Variants in ADARB2 observed in about 807,000 individuals in gnomAD.
ADARB2 encodes the protein inactive double-stranded RNA-specific editase B2.
A neutral mutation model predicts 62.2 loss-of-function variants in ADARB2; 25 were observed. The ratio of observed to expected loss-of-function variants is 0.40; its 90% CI spans 0.29 to 0.56. ADARB2 has a LOEUF of 0.56. Among genes scored for constraint, ADARB2 ranks in the 20% least tolerant of loss-of-function variants. The pLI, the probability that ADARB2 is intolerant of heterozygous loss-of-function variation, is 0.43. For synonymous variants in ADARB2, 572 were observed against 500.8 expected, an observed-to-expected ratio of 1.14 and a Z score of -1.90; for missense variants, 1,071 against 1,077.4, an observed-to-expected ratio of 0.99 and a Z score of 0.08.
intron 1 of ADARB2, among the ~76,000 whole-genome samples, chr10:1,561,680 T>C (rs1336138030): frequency 6.6e-6 from 1 of 152,124 alleles, no homozygotes; most frequent in Admixed American, 6.5e-5. Context: ...TGGATGCTGA[T>C]AAGAGCTTCC....
chr10:1,302,793 T>C (rs570954970), intron 3 of ADARB2, among the ~76,000 whole-genome samples: 60 of 152,252 alleles, frequency 3.9e-4, no homozygotes, highest in Middle Eastern at 3.4e-3. Flanking sequence ...TACAGGGTAC[T>C]CCAACAGACC....
chr10:1,431,693 TA>T (rs1243046180), intron 1 of ADARB2, among the ~76,000 whole-genome samples: 1 of 151,712 alleles, frequency 6.6e-6, no homozygotes, highest in Non-Finnish European at 1.5e-5. Flanking sequence ...TCTATAAAAC[TA>T]AAAAATGTCT....
intron 3 of ADARB2, among the ~76,000 whole-genome samples, chr10:1,362,227 T>C (rs1832264844): frequency 6.6e-6 from 1 of 152,242 alleles, no homozygotes; most frequent in African/African-American, 2.4e-5. Context: ...AATGGAAATC[T>C]CTAGAGGGTA....
intron 1 of ADARB2, among the ~76,000 whole-genome samples, chr10:1,594,041 C>T (rs1458642528): frequency 6.6e-6 from 1 of 152,144 alleles, no homozygotes; most frequent in African/African-American, 2.4e-5. Context: ...CTTGTAATCC[C>T]AGCACTTTGG....
At chr10:1,234,358 C>T (rs1441867173) in intron 5 of ADARB2, among the ~76,000 whole-genome samples, 1 of 152,140 alleles carries the variant, frequency 6.6e-6, no homozygotes, top group East Asian at 1.9e-4. Flanking sequence ...GAACAGGCAG[C>T]AATGAAACTA....
chr10:1,214,559 C>T (rs927825450), intron 7 of ADARB2, among the ~76,000 whole-genome samples: 49 of 152,320 alleles, frequency 3.2e-4, no homozygotes, highest in Middle Eastern at 6.8e-3. Context: ...GACCTGCCGG[C>T]GTCGCGTGGG....
chr10:1,432,776 T>G (rs1315420130), intron 1 of ADARB2, among the ~76,000 whole-genome samples: 4 of 152,074 alleles, frequency 2.6e-5, no homozygotes, highest in Non-Finnish European at 5.9e-5. Context: ...CCACTTTCTC[T>G]TTTGCTTTGC....
At chr10:1,681,367 C>A (rs1834534567) in intron 1 of ADARB2, among the ~76,000 whole-genome samples, 1 of 152,114 alleles carries the variant, frequency 6.6e-6, no homozygotes, top group South Asian at 2.1e-4. Context: ...TTTTTCCCAA[C>A]AACTTGTGGA....
Position 1,182,971 on chromosome 10 carries a change from T to C in ADARB2, c.*222A>G. 1 of 566,152 alleles carries C rather than the reference T, an allele frequency of 1.8e-6. No homozygotes were observed. 35.1% of individuals were successfully genotyped at this position (566,152 alleles called of 1,614,324 possible). A position where few individuals can be genotyped will look rare whatever the true frequency, so the allele number is the denominator to read the frequency against. On this transcript the variant is annotated 3_prime_UTR_variant, in exon 10 of 10. Coordinates refer to ENST00000381312, the MANE Select transcript of ADARB2 (RefSeq NM_018702.4). ...GAGTCGGCGCTAACTCAACAGTGCA[T>C]GTGCCCCTGGGTGTGGGGGACAGGG...
chr10:1,604,518 G>A (rs1833470767), intron 1 of ADARB2, among the ~76,000 whole-genome samples: 1 of 152,178 alleles, frequency 6.6e-6, no homozygotes, highest in South Asian at 2.1e-4. Flanking sequence ...GGAGAGGCCA[G>A]GCACTGTTTT....
intron 1 of ADARB2, among the ~76,000 whole-genome samples, chr10:1,726,429 G>A (rs1242597688): frequency 2.0e-5 from 3 of 151,960 alleles, no homozygotes; most frequent in African/African-American, 7.3e-5. Flanking sequence ...GGTGACTGTC[G>A]CCTTTTCCGT....
chr10:1,265,691 C>G (rs564706487), intron 4 of ADARB2, among the ~76,000 whole-genome samples: 3 of 89,058 alleles, frequency 3.4e-5, no homozygotes, highest in Admixed American at 1.1e-4. Context: ...GGGGCCCAGG[C>G]TCTCCCGGAA....
At chr10:1,508,464 T>C (rs1485880190) in intron 1 of ADARB2, among the ~76,000 whole-genome samples, 2 of 152,200 alleles carry the variant, frequency 1.3e-5, no homozygotes, top group Non-Finnish European at 2.9e-5. Context: ...GCCTACATTA[T>C]TGTTTTCACG....
At chr10:1,526,613 G>A (rs1025742047) in intron 1 of ADARB2, 3 of 242,730 alleles carry the variant, frequency 1.2e-5, no homozygotes, top group African/African-American at 4.6e-5. Flanking sequence ...CTCCCCATCG[G>A]CCACGAGTGA....
Position 1,460,059 on chromosome 10 carries a change from G to A in ADARB2, c.101-80899C>T, listed in dbSNP as rs1042217240. 4.4e-4 allele frequency among the ~76,000 whole-genome samples: 28 copies of A among 63,662 alleles called. 3 individuals are homozygous for A. Among genetic ancestry groups the A allele is most frequent in the African/African-American group, 1.3e-3 (25 of 19,562 alleles). 41.8% of individuals were successfully genotyped at this position (63,662 alleles called of 152,430 possible). A position where few individuals can be genotyped will look rare whatever the true frequency, so the allele number is the denominator to read the frequency against. ...GTTTACCTGTGTAGCAAACCTGCCT[G>A]TGACCTGAGTTTACCTGCGTAACGA... On this transcript the variant is annotated intron_variant, in intron 1 of 9. Transcript: ENST00000381312.
chr10:1,185,061 G>A (rs770549882), intron 8 of ADARB2, 22 bp from the exon 9 acceptor site: 44 of 1,603,444 alleles, frequency 2.7e-5, no homozygotes, highest in Non-Finnish European at 2.9e-5. Flanking sequence ...ATGGGGAAAG[G>A]CGGGCGTTAA....
At chr10:1,488,774 C>T (rs1191434174) in intron 1 of ADARB2, among the ~76,000 whole-genome samples, 1 of 152,228 alleles carries the variant, frequency 6.6e-6, no homozygotes, top group Non-Finnish European at 1.5e-5. Context: ...TGCTCCCTAA[C>T]AGCATACGTG....
rs1397787976 is a variant in ADARB2 at position 1,178,603 on chromosome 10, G to C, written c.*4590C>G. 6.6e-6 allele frequency: 1 copy of C among 152,292 alleles called. No homozygotes were observed. Among genetic ancestry groups the C allele is most frequent in the African/African-American group, 2.4e-5 (1 of 41,446 alleles). 9.4% of individuals were successfully genotyped at this position (152,292 alleles called of 1,614,324 possible). On this transcript the variant is annotated 3_prime_UTR_variant, in exon 10 of 10. Transcript: ENST00000381312. The stretch of plus-strand genomic sequence containing the variant: ...GCCACCCGCCTAGCCCCACACAGTG[G>C]CAAAATACCAAAAGACCCTAAAATA...
chr10:1,184,750 G>T (rs996807195), intron 9 of ADARB2, 111 bp downstream of exon 9: 4 of 1,235,800 alleles, frequency 3.2e-6, no homozygotes, highest in Admixed American at 2.5e-5. Context: ...GCGCTGTGTC[G>T]TGCATCTCCC....
Sources: gnomAD v4.1 joint callset for allele counts (sites outside exome capture counted in the v4.1 genomes callset) on GRCh38, gnomAD v4.1.1 for gene constraint, MANE v1.5 for transcripts, NCBI Gene and HGNC (gene_info 2026-07-23, HGNC 2026-07-21) for gene names.